WLS: variants seen among roughly 807,000 people sequenced by gnomAD.
WLS encodes Wnt ligand secretion mediator, also known as protein wntless homolog.
Under a neutral mutation model 62.8 loss-of-function variants are expected in WLS, and 23 were observed. The observed-to-expected ratio is 0.37, with a 90% CI of 0.26 to 0.52. The LOEUF (loss-of-function observed/expected upper bound fraction) is 0.52, where lower values mean the gene tolerates loss of function less well. WLS is among the 20% of genes least tolerant of loss of function. The probability of loss-of-function intolerance (pLI) is 0.92; values close to 1 mark genes in which losing one functional copy is unlikely to be tolerated. For synonymous variants in WLS, 246 were observed against 244.1 expected (o/e 1.01, Z -0.07); for missense variants, 615 against 697.3 (o/e 0.88, Z 1.33).
intron 11 of WLS, chr1:68,102,716 CTTA>C (rs1646094691): frequency 1.3e-5 from 2 of 152,210 alleles, no homozygotes; most frequent in Admixed American, 6.5e-5. Context: ...ACCCAAGCAT[CTTA>C]TTATACAGGT....
intron 11 of WLS, among the ~76,000 whole-genome samples, chr1:68,107,891 T>C (rs1372224572): frequency 1.3e-5 from 2 of 151,994 alleles, no homozygotes; most frequent in African/African-American, 2.4e-5. Flanking sequence ...GTGGATACAA[T>C]GCAGAAGAGA....
downstream of WLS, among the ~76,000 whole-genome samples, chr1:68,121,693 C>G (rs1022146909): frequency 6.6e-6 from 1 of 152,148 alleles, no homozygotes; most frequent in Non-Finnish European, 1.5e-5. Context: ...GACACACCAG[C>G]AAATTGAGCC....
At chr1:68,142,077 T>C (rs1646694259) in intron 10 of WLS, among the ~76,000 whole-genome samples, 2 of 152,242 alleles carry the variant, frequency 1.3e-5, no homozygotes, top group African/African-American at 4.8e-5. Flanking sequence ...CCACGGACTA[T>C]GCTCCTTGGA....
chr1:68,135,039 G>A (rs143198491), intron 11 of WLS, among the ~76,000 whole-genome samples: 134 of 152,360 alleles, frequency 8.8e-4, no homozygotes, highest in African/African-American at 3.1e-3. Flanking sequence ...CCTTACCTAT[G>A]ACAGATATCA....
At position 68,144,665 on chromosome 1, in the gene WLS, A is replaced by G; in HGVS notation, c.1279-13T>C. 3 of 1,609,318 alleles carry G rather than the reference A, an allele frequency of 1.9e-6. No homozygotes were observed. Among genetic ancestry groups the G allele is most frequent in the Non-Finnish European group, 2.6e-6 (3 of 1,176,054 alleles). ...TAAAAATTAGCCCCTATTAGAAAAGAAAGAGTAGTTTAATACTCCATCAGC... is the reference window on the plus strand; with the variant it reads ...TAAAAATTAGCCCCTATTAGAAAAGGAAGAGTAGTTTAATACTCCATCAGC... On this transcript the variant is annotated splice_polypyrimidine_tract_variant and intron_variant, in intron 9 of 11. Transcript: ENST00000262348.
Position 68,200,567 on chromosome 1 carries a change from C to CTT in WLS, c.107-6342_107-6341dup, listed in dbSNP as rs35756608. ...GGGAGCTTATATTCTCCAGCTATTGCTTTTTTTTTTTTTTTCCAGCTATTG... is the reference window on the plus strand; with the variant it reads ...GGGAGCTTATATTCTCCAGCTATTGCTTTTTTTTTTTTTTTTTCCAGCTATTG... On this transcript the variant is annotated intron_variant, in intron 1 of 11. Transcript: ENST00000262348. Among the ~76,000 whole-genome samples the CTT allele has an allele frequency of 9.4e-4, 128 of 135,814 alleles. 1 individual carries two copies. The highest frequency in any genetic ancestry group is 3.2e-3 in the East Asian group (15 of 4,658). The allele number at this position is 135,814 out of a possible 152,430, so 89.1% of individuals were successfully genotyped here.
chr1:68,169,940 C>T (rs925146973), intron 2 of WLS, among the ~76,000 whole-genome samples: 1 of 152,152 alleles, frequency 6.6e-6, no homozygotes, highest in Non-Finnish European at 1.5e-5. Flanking sequence ...AGTAAGAGCT[C>T]AGCTTTGGAG....
chr1:68,126,391 G>A, intron 11 of WLS, 56 bp from the exon 12 acceptor site: 1 of 1,606,198 alleles, frequency 6.2e-7, no homozygotes. Context: ...AAGCAAGCTG[G>A]GGTTCATCTC....
At position 68,126,289 on chromosome 1, in the gene WLS, AGTG is replaced by A. The variant is rs758027710; in HGVS notation, c.1560_1562del (p.Thr521del). ...CAGTGGGTCCGTCCACATGGGTGAT[AGTG>A]GTGGTGAGCTGGAGTTCTTCCCCAC... is the stretch of plus-strand genomic sequence containing the variant. On this transcript the variant is annotated inframe_deletion, in exon 12 of 12. Transcript: ENST00000262348. 1 of 1,614,034 alleles carries A rather than the reference AGTG, an allele frequency of 6.2e-7. No individual in the cohort carries two copies. The highest frequency in any genetic ancestry group is 8.5e-7 in the Non-Finnish European group (1 of 1,180,002).
chr1:68,144,282 CACGGCTTGAT>C (rs1292628621), intron 10 of WLS, among the ~76,000 whole-genome samples: 1 of 152,220 alleles, frequency 6.6e-6, no homozygotes, highest in Non-Finnish European at 1.5e-5. Context: ...TGTTGTGCTA[CACGGCTTGAT>C]AAGTTTTTCT....
chr1:68,147,490 C>A (rs1646768402), intron 8 of WLS, among the ~76,000 whole-genome samples: 1 of 152,204 alleles, frequency 6.6e-6, no homozygotes, highest in Non-Finnish European at 1.5e-5. Flanking sequence ...TTTCTCTCCA[C>A]TCCAGAGCAG....
chr1:68,113,189 C>A (rs945714971), intron 11 of WLS, among the ~76,000 whole-genome samples: 1 of 152,078 alleles, frequency 6.6e-6, no homozygotes, highest in Non-Finnish European at 1.5e-5. Context: ...CTCGCATGTC[C>A]GTAAAAATAT....
At chr1:68,125,259 T>C (rs1317970679), downstream of WLS, 1 of 924,816 alleles carries the variant, frequency 1.1e-6, no homozygotes, top group African/African-American at 1.8e-5. Flanking sequence ...CCCAAACACT[T>C]TGATTTGATG....
At position 68,106,750 on chromosome 1, in the gene WLS, G is replaced by A. The variant is rs910635059; in HGVS notation, c.1511-7997C>T. 1.3e-3 allele frequency among the ~76,000 whole-genome samples: 174 copies of A among 138,928 alleles called. 1 individual carries two copies. The highest frequency in any genetic ancestry group is 5.5e-3 in the African/African-American group (165 of 30,250). The allele number at this position is 138,928 out of a possible 152,430, so 91.1% of individuals were successfully genotyped here. On this transcript the variant is annotated intron_variant, in intron 11 of 11. Transcript: ENST00000354777. ...TGTGTGTGTGTGTGTGTGTGTGTGTGTATGTGTGGGTAGGTGGGTGGGTGA... is the reference window on the plus strand; with the variant it reads ...TGTGTGTGTGTGTGTGTGTGTGTGTATATGTGTGGGTAGGTGGGTGGGTGA...
intron 1 of WLS, among the ~76,000 whole-genome samples, chr1:68,198,277 C>T (rs1648790988): frequency 6.6e-6 from 1 of 152,130 alleles, no homozygotes; most frequent in African/African-American, 2.4e-5. Context: ...TGGGAATATG[C>T]ACAGAAGTTA....
intron 2 of WLS, among the ~76,000 whole-genome samples, chr1:68,182,025 C>G (rs1647606395): frequency 6.6e-6 from 1 of 152,150 alleles, no homozygotes; most frequent in African/African-American, 2.4e-5. Flanking sequence ...GCAAATTATT[C>G]AACACCATAG....
At chr1:68,134,954 G>C (rs1646583950) in intron 11 of WLS, among the ~76,000 whole-genome samples, 1 of 152,164 alleles carries the variant, frequency 6.6e-6, no homozygotes, top group African/African-American at 2.4e-5. Flanking sequence ...CCTCTGCAGG[G>C]TTGGCCACAG....
chr1:68,103,211 C>T lies in WLS; in HGVS notation c.1511-4458G>A, dbSNP rs11209215. On this transcript the variant is annotated intron_variant, in intron 11 of 11. Coordinates refer to the WLS transcript ENST00000354777. ...TTTATCTCATCCTGTGATTCAAAGACGGTTGCTAGGGAAACCAGTGGGGAT... is the reference window on the plus strand; with the variant it reads ...TTTATCTCATCCTGTGATTCAAAGATGGTTGCTAGGGAAACCAGTGGGGAT... Among the ~76,000 whole-genome samples the T allele has an allele frequency of 7.2e-3, 1,092 of 152,326 alleles. 17 individuals are homozygous for T. The highest frequency in any genetic ancestry group is 0.025 in the African/African-American group (1,038 of 41,576).
chr1:68,218,694 G>C (rs564984223), intron 1 of WLS, among the ~76,000 whole-genome samples: 1 of 152,060 alleles, frequency 6.6e-6, no homozygotes, highest in East Asian at 1.9e-4. Context: ...ACAGGCCTCC[G>C]TTCCTCTTTG....
Sources: allele counts gnomAD v4.1 joint callset (sites outside exome capture counted in the v4.1 genomes callset), GRCh38; gene constraint gnomAD v4.1.1; transcripts MANE v1.5; gene names NCBI Gene and HGNC (gene_info 2026-07-23, HGNC 2026-07-21).